Variants in MED27 observed in about 807,000 individuals in gnomAD.
The protein encoded by MED27 is mediator of RNA polymerase II transcription subunit 27.
MED27 carries 30 observed loss-of-function variants against 38.2 expected under a neutral mutation model. That is an observed-to-expected ratio of 0.79 (90% CI 0.59 to 1.07). The LOEUF is 1.07. MED27 is among the 50% of genes least tolerant of loss of function. The pLI, the probability that MED27 is intolerant of heterozygous loss-of-function variation, is 0.00. For synonymous variants in MED27, 122 were observed against 153.5 expected, an observed-to-expected ratio of 0.79 and a Z score of 1.52; for missense variants, 289 against 397.5, an observed-to-expected ratio of 0.73 and a Z score of 2.32.
intron 2 of MED27, among the ~76,000 whole-genome samples, chr9:132,040,502 C>G (rs374545103): frequency 2.6e-5 from 4 of 152,120 alleles, no homozygotes; most frequent in Non-Finnish European, 4.4e-5. Flanking sequence ...ACAAATGTCA[C>G]GAGAAAGCTA....
chr9:131,912,059 C>T (rs1564280656), intron 4 of MED27, among the ~76,000 whole-genome samples: 1 of 152,136 alleles, frequency 6.6e-6, no homozygotes, highest in African/African-American at 2.4e-5. Context: ...CTAAGCCTAC[C>T]ACCCCGAGGA....
intron 3 of MED27, among the ~76,000 whole-genome samples, chr9:131,975,421 G>A (rs1831582965): frequency 1.3e-5 from 2 of 152,240 alleles, no homozygotes; most frequent in South Asian, 4.1e-4. Context: ...AAGGGCAGAA[G>A]CAAGGACAGT....
intron 3 of MED27, among the ~76,000 whole-genome samples, chr9:131,970,625 C>T (rs1831456257): frequency 6.6e-6 from 1 of 152,166 alleles, no homozygotes; most frequent in African/African-American, 2.4e-5. Flanking sequence ...AAAAACAGCA[C>T]AAATCAGGAA....
chr9:131,930,025 C>CT (rs1456525826), intron 4 of MED27, among the ~76,000 whole-genome samples: 11 of 150,010 alleles, frequency 7.3e-5, no homozygotes, highest in Non-Finnish European at 1.5e-5. Flanking sequence ...CTCCAGGTGG[C>CT]TTAGCACAGA....
intron 3 of MED27, among the ~76,000 whole-genome samples, chr9:131,990,585 C>G (rs1261334746): frequency 6.6e-6 from 1 of 152,202 alleles, no homozygotes; most frequent in Non-Finnish European, 1.5e-5. Context: ...AACCACTGAT[C>G]CAGTCCTTTT....
At chr9:131,881,245 G>A (rs1342123333) in intron 6 of MED27, among the ~76,000 whole-genome samples, 9 of 152,200 alleles carry the variant, frequency 5.9e-5, no homozygotes, top group African/African-American at 9.7e-5. Context: ...CAGTCAGCAC[G>A]GAAAACGTTA....
chr9:131,918,975 G>C (rs750942909), intron 4 of MED27, among the ~76,000 whole-genome samples: 15 of 152,144 alleles, frequency 9.9e-5, no homozygotes, highest in Non-Finnish European at 2.2e-4. Flanking sequence ...AGAAGGCACA[G>C]AAGGACATCC....
In MED27 at chr9:132,051,933, A is replaced by G. The variant is rs1024500637; in HGVS notation, c.348+25509T>C. 3.3e-5 allele frequency among the ~76,000 whole-genome samples: 5 copies of G among 152,244 alleles called. No homozygotes were observed. The highest frequency in any genetic ancestry group is 5.9e-5 in the Non-Finnish European group (4 of 68,048). ...TAACTACGATGAGAAAGTTTAGCTT[A>G]TAATAGTTGATCAAAAGATGAATAA... On this transcript the variant is annotated intron_variant, in intron 2 of 7. Transcript: ENST00000292035. The surrounding 1 kb of genome is among the most constrained non-coding windows in gnomAD (Gnocchi z 4.2).
chr9:131,909,894 T>C (rs1295328911), intron 4 of MED27, among the ~76,000 whole-genome samples: 1 of 152,254 alleles, frequency 6.6e-6, no homozygotes, highest in Admixed American at 6.5e-5. Context: ...TAAACTGTAG[T>C]TTGTTTGAAG....
chr9:132,068,255 C>T (rs1304170293), intron 2 of MED27, among the ~76,000 whole-genome samples: 8 of 152,190 alleles, frequency 5.3e-5, no homozygotes, highest in African/African-American at 4.8e-5. Flanking sequence ...CAGGACTACT[C>T]GTGGCATTTT....
chr9:131,922,594 C>T (rs1299144743), intron 4 of MED27, among the ~76,000 whole-genome samples: 1 of 151,768 alleles, frequency 6.6e-6, no homozygotes, highest in African/African-American at 2.4e-5. Context: ...GCATGCACCG[C>T]CACACCCAGC....
Position 131,872,287 on chromosome 9 carries a change from C to G in MED27, c.724-9147G>C, listed in dbSNP as rs1476780461. On this transcript the variant is annotated intron_variant, in intron 6 of 7. Transcript: ENST00000292035. The surrounding 1 kb of genome is among the most constrained non-coding windows in gnomAD (Gnocchi z 5.6). The stretch of plus-strand genomic sequence containing the variant: ...TGGGGGAGCTGAGCTTGAACAGAGA[C>G]GCTCTTCCTAACGCACCTGCTGAGG... 6.6e-6 allele frequency among the ~76,000 whole-genome samples: 1 copy of G among 152,220 alleles called. No homozygotes were observed. The highest frequency in any genetic ancestry group is 2.4e-5 in the African/African-American group (1 of 41,464).
At chr9:131,978,396 C>T (rs1402728809) in intron 3 of MED27, among the ~76,000 whole-genome samples, 1 of 152,104 alleles carries the variant, frequency 6.6e-6, no homozygotes. Context: ...TATGAAACAA[C>T]CAGAAATTTA....
intron 2 of MED27, among the ~76,000 whole-genome samples, chr9:132,032,570 C>G (rs533451509): frequency 6.6e-6 from 1 of 152,270 alleles, no homozygotes; most frequent in Admixed American, 6.5e-5. Flanking sequence ...ATAAGAGGAA[C>G]AAGAAGACAC....
chr9:132,043,021 T>A (rs1833252971), intron 2 of MED27, among the ~76,000 whole-genome samples: 2 of 151,996 alleles, frequency 1.3e-5, no homozygotes, highest in South Asian at 4.2e-4. Context: ...ACATCTGGAG[T>A]AGGCAAATGT....
chr9:131,863,406 T>C (rs1304548633), intron 6 of MED27, among the ~76,000 whole-genome samples: 1 of 152,160 alleles, frequency 6.6e-6, no homozygotes, highest in Admixed American at 6.5e-5. Flanking sequence ...CTGGCCAGGC[T>C]GGAGCACTGG....
chr9:131,926,050 G>A (rs1830477338), intron 4 of MED27, among the ~76,000 whole-genome samples: 1 of 152,206 alleles, frequency 6.6e-6, no homozygotes, highest in Non-Finnish European at 1.5e-5. Flanking sequence ...CTTAGGTGGT[G>A]TCAACTTCTC....
chr9:132,063,533 T>C (rs1205475771), intron 2 of MED27, among the ~76,000 whole-genome samples: 1 of 152,174 alleles, frequency 6.6e-6, no homozygotes, highest in Non-Finnish European at 1.5e-5. Flanking sequence ...ACTGTGAAAA[T>C]GCATTAAAAT....
At chr9:131,933,633 G>C (rs138624930) in intron 4 of MED27, among the ~76,000 whole-genome samples, 1 of 152,002 alleles carries the variant, frequency 6.6e-6, no homozygotes, top group Non-Finnish European at 1.5e-5. Flanking sequence ...AGACATTGAA[G>C]AAGACACAAA....
Sources: gnomAD v4.1 joint callset for allele counts (sites outside exome capture counted in the v4.1 genomes callset) on GRCh38, gnomAD v4.1.1 for gene constraint, Gnocchi (gnomAD v3.1) non-coding constraint, MANE v1.5 for transcripts, NCBI Gene and HGNC (gene_info 2026-07-23, HGNC 2026-07-21) for gene names.